MEP1A: variants seen among roughly 807,000 people sequenced by gnomAD.
MEP1A encodes meprin A subunit alpha, also known as N-benzoyl-L-tyrosyl-P-amino-benzoic acid hydrolase subunit alpha.
A neutral mutation model predicts 84.5 loss-of-function variants in MEP1A; 68 were observed. The observed-to-expected ratio is 0.80, with a 90% CI of 0.66 to 0.98. The LOEUF (loss-of-function observed/expected upper bound fraction) is 0.98. MEP1A is among the 50% of genes least tolerant of loss of function. MEP1A has a pLI of 0.00. For synonymous variants in MEP1A, 337 were observed against 336.8 expected, an observed-to-expected ratio of 1.00 and a Z score of -0.01; for missense variants, 887 against 919.9, an observed-to-expected ratio of 0.96 and a Z score of 0.46.
chr6:46,821,424 C>T (rs371119555), intron 7 of MEP1A, among the ~76,000 whole-genome samples: 15 of 152,188 alleles, frequency 9.9e-5, no homozygotes, highest in African/African-American at 3.4e-4. Context: ...GAAATAATAA[C>T]TCAGACTTCA....
chr6:46,842,135 GTCAGCTGAGAATGTACATCACC>G (rs1413225662), downstream of MEP1A, among the ~76,000 whole-genome samples: 3 of 151,808 alleles, frequency 2.0e-5, 1 homozygote, highest in Non-Finnish European at 4.4e-5. Flanking sequence ...CATTATCTTT[GTCAGCTGAGAATGTACATCACC>G]TCAGGACCAT....
intron 6 of MEP1A, among the ~76,000 whole-genome samples, chr6:46,817,643 A>C (rs987857561): frequency 1.3e-5 from 2 of 152,216 alleles, no homozygotes; most frequent in African/African-American, 2.4e-5. Context: ...TTTCACAAAG[A>C]AACTCCTTAA....
chr6:46,835,438 C>T lies in MEP1A; in HGVS notation c.1973C>T (p.Thr658Ile). ...CGACAGAAGCGGTCGGTGGAGAACA[C>T]AGGCCCCCTGGAGGACCATAACTGG... Reference protein sequence around the residue: ...PSRQKRSVENTGPLEDHNWPQ... With the variant: ...PSRQKRSVENIGPLEDHNWPQ... The change falls in exon 13 of 14, where the codon ACA (threonine) becomes ATA (isoleucine). Residue 658 changes from threonine (T) to isoleucine (I), a missense_variant. By Grantham distance (89) the Thr-to-Ile change is moderately conservative. Coordinates refer to ENST00000230588, the MANE Select transcript of MEP1A (RefSeq NM_005588.3). The T allele has an allele frequency of 6.2e-7, 1 of 1,612,318 alleles. No individual in the cohort carries two copies. The highest frequency in any genetic ancestry group is 8.5e-7 in the Non-Finnish European group (1 of 1,179,266).
At chr6:46,828,841 G>T (rs2149574) in intron 9 of MEP1A, among the ~76,000 whole-genome samples, 45,608 of 151,858 alleles carry the variant, frequency 0.3, 7,436 homozygotes, top group Middle Eastern at 0.38. Flanking sequence ...TTATAATATA[G>T]TAAAGATTAC....
At chr6:46,841,485 T>C (rs184092569), downstream of MEP1A, among the ~76,000 whole-genome samples, 2 of 152,280 alleles carry the variant, frequency 1.3e-5, no homozygotes, top group East Asian at 1.9e-4. Flanking sequence ...AGAGGGCATG[T>C]AGGGTGGGGA....
intron 5 of MEP1A, among the ~76,000 whole-genome samples, chr6:46,801,983 A>G (rs968432988): frequency 1.3e-5 from 2 of 151,900 alleles, no homozygotes; most frequent in African/African-American, 4.8e-5. Context: ...GTCAAAAATC[A>G]CTATGTTGAT....
At chr6:46,806,517 T>G (rs897478839) in intron 5 of MEP1A, among the ~76,000 whole-genome samples, 4 of 151,968 alleles carry the variant, frequency 2.6e-5, no homozygotes, top group Non-Finnish European at 5.9e-5. Flanking sequence ...CCCTGTAAAT[T>G]TGCATGACTC....
At chr6:46,821,187 C>T (rs1038426267) in intron 7 of MEP1A, among the ~76,000 whole-genome samples, 1 of 152,168 alleles carries the variant, frequency 6.6e-6, no homozygotes, top group Non-Finnish European at 1.5e-5. Flanking sequence ...TGAGGTTTCT[C>T]ATCCTGTGCC....
chr6:46,823,019 C>T (rs1369797361), intron 7 of MEP1A, among the ~76,000 whole-genome samples: 1 of 152,204 alleles, frequency 6.6e-6, no homozygotes, highest in Non-Finnish European at 1.5e-5. Context: ...TAACTTTCCC[C>T]TTCCCTGTTA....
intron 9 of MEP1A, among the ~76,000 whole-genome samples, chr6:46,826,995 A>G (rs1402170303): frequency 6.6e-6 from 1 of 152,238 alleles, no homozygotes; most frequent in Non-Finnish European, 1.5e-5. Context: ...AAAAGTTATT[A>G]TGAGATGCTT....
At chr6:46,803,532 T>C (rs887458571) in intron 5 of MEP1A, among the ~76,000 whole-genome samples, 21 of 151,524 alleles carry the variant, frequency 1.4e-4, no homozygotes, top group African/African-American at 5.1e-4. Flanking sequence ...TTTTACAGAA[T>C]TGACTTTTGA....
At chr6:46,808,966 C>A (rs1259129193) in intron 5 of MEP1A, among the ~76,000 whole-genome samples, 1 of 151,996 alleles carries the variant, frequency 6.6e-6, no homozygotes, top group Non-Finnish European at 1.5e-5. Flanking sequence ...GTAAGGAACA[C>A]TATTCTCACT....
chr6:46,830,247 TAAAAAAAAAAAAAA>T (rs56033423), intron 10 of MEP1A, among the ~76,000 whole-genome samples: 3 of 50,092 alleles, frequency 6.0e-5, no homozygotes, highest in African/African-American at 2.5e-4. Context: ...AGACTCCATC[TAAAAAAAAAAAAAA>T]AAAAAAAAAA....
At chr6:46,816,449 G>T (rs1010901421) in intron 6 of MEP1A, among the ~76,000 whole-genome samples, 3 of 152,020 alleles carry the variant, frequency 2.0e-5, no homozygotes. Context: ...CAGGGCAAGA[G>T]TGGGGCCACT....
chr6:46,793,531 C>A, intron 1 of MEP1A, 21 bp from the exon 2 acceptor site: 2 of 1,562,954 alleles, frequency 1.3e-6, no homozygotes, highest in Non-Finnish European at 8.8e-7. Flanking sequence ...TATCCATTTT[C>A]TGTATATTTA....
rs1330564613 is a variant in MEP1A, at chr6:46,825,258, T to C, written c.557-14T>C. ...ACATGACTGAGAAGGACCTGTGGAT[T>C]CTCTCCCTAACAGGTTACCAGCACA... On this transcript the variant is annotated splice_polypyrimidine_tract_variant and intron_variant, in intron 7 of 13. Transcript: ENST00000230588. 6.4e-7 allele frequency: 1 copy of C among 1,564,294 alleles called. No homozygotes were observed. The highest frequency in any genetic ancestry group is 1.7e-5 in the Admixed American group (1 of 57,928).
chr6:46,808,600 G>T (rs3799857), intron 5 of MEP1A, among the ~76,000 whole-genome samples: 40,666 of 151,936 alleles, frequency 0.27, 5,633 homozygotes, highest in South Asian at 0.33. Context: ...AGTTTCTCTG[G>T]AGTATCTTTC....
intron 5 of MEP1A, among the ~76,000 whole-genome samples, chr6:46,807,823 G>GAAAGAAAGAAAT (rs1562107117): frequency 1.3e-5 from 2 of 149,014 alleles, no homozygotes; most frequent in African/African-American, 5.0e-5. Flanking sequence ...AAGAAAGAAA[G>GAAAGAAAGAAAT]AAAGAAAGAA....
intron 6 of MEP1A, among the ~76,000 whole-genome samples, chr6:46,812,129 A>G (rs1398471767): frequency 1.3e-5 from 2 of 151,918 alleles, no homozygotes; most frequent in African/African-American, 2.4e-5. Context: ...CAATTTTTGA[A>G]TTGCCATTTC....
Sources: allele counts gnomAD v4.1 joint callset (sites outside exome capture counted in the v4.1 genomes callset), GRCh38; gene constraint gnomAD v4.1.1; transcripts MANE v1.5; gene names NCBI Gene and HGNC (gene_info 2026-07-23, HGNC 2026-07-21).